Variants in TBC1D5 observed in about 807,000 individuals in gnomAD.
TBC1D5 encodes the protein TBC1 domain family, member 5.
A neutral mutation model predicts 100.3 loss-of-function variants in TBC1D5; 75 were observed. That is an observed-to-expected ratio of 0.75 (90% CI 0.62 to 0.91). The LOEUF (loss-of-function observed/expected upper bound fraction) is 0.91, where lower values mean the gene tolerates loss of function less well. TBC1D5 is among the 40% of genes least tolerant of loss of function. The pLI is 0.00. For synonymous variants in TBC1D5, 323 were observed against 325.6 expected (o/e 0.99, Z 0.09); for missense variants, 910 against 942.4 (o/e 0.97, Z 0.45).
In TBC1D5 at chr3:17,194,516, G is replaced by T. The variant is rs538791883; in HGVS notation, c.1753-9308C>A. Among the ~76,000 whole-genome samples the T allele has an allele frequency of 3.3e-5, 5 of 152,236 alleles. No individual in the cohort carries two copies. The East Asian group carries it at 9.6e-4, about 29-fold the overall frequency. On this transcript the variant is annotated intron_variant, in intron 18 of 21. Coordinates refer to ENST00000253692, the Ensembl canonical transcript of TBC1D5. Reference sequence around the variant, plus strand: ...ATACAATTTCTCATTAAAAACAAGTGAAATATGAATTAATTTTATTGGATT... The same window carrying T: ...ATACAATTTCTCATTAAAAACAAGTTAAATATGAATTAATTTTATTGGATT...
intron 1 of TBC1D5, among the ~76,000 whole-genome samples, chr3:17,687,823 T>G (rs916582286): frequency 6.6e-6 from 1 of 152,214 alleles, no homozygotes; most frequent in Non-Finnish European, 1.5e-5. Context: ...CTTAACCACT[T>G]GGAAGGCCAG....
intron 2 of TBC1D5, among the ~76,000 whole-genome samples, chr3:17,515,053 T>C (rs558111804): frequency 6.6e-6 from 1 of 152,056 alleles, no homozygotes; most frequent in South Asian, 2.1e-4. Flanking sequence ...ATTAGGAATT[T>C]AGGAAAAATA....
rs541278087 is a variant in TBC1D5, at chr3:17,186,439, T to G, written c.1753-1231A>C. 1.8e-3 allele frequency among the ~76,000 whole-genome samples: 276 copies of G among 152,226 alleles called. 2 individuals are homozygous for G. The highest frequency in any genetic ancestry group is 2.8e-3 in the Non-Finnish European group (190 of 68,016). The stretch of plus-strand genomic sequence containing the variant: ...AAAACAGAAGTAGTGCTGGGTGCAG[T>G]GGCTCATGCCTGTAATCCCAGCACT... On this transcript the variant is annotated intron_variant, in intron 18 of 21. Coordinates refer to ENST00000253692, the Ensembl canonical transcript of TBC1D5.
chr3:17,438,517 G>C (rs1575944588), intron 3 of TBC1D5, among the ~76,000 whole-genome samples: 1 of 152,086 alleles, frequency 6.6e-6, no homozygotes, highest in Non-Finnish European at 1.5e-5. Context: ...CCTTCGCTGG[G>C]CACTCACTTT....
At chr3:17,352,065 T>C (rs750854508) in intron 13 of TBC1D5, among the ~76,000 whole-genome samples, 17 of 150,734 alleles carry the variant, frequency 1.1e-4, no homozygotes, top group Middle Eastern at 3.4e-3. Flanking sequence ...AGCCACCCCA[T>C]GAACCCAGAT....
chr3:17,488,149 TG>T (rs2095593869), intron 3 of TBC1D5, among the ~76,000 whole-genome samples: 1 of 152,336 alleles, frequency 6.6e-6, no homozygotes, highest in South Asian at 2.1e-4. Context: ...TCCTGTTTCC[TG>T]GGCCCCTTGG....
chr3:17,381,426 A>G (rs936356655), intron 9 of TBC1D5, among the ~76,000 whole-genome samples: 1 of 152,108 alleles, frequency 6.6e-6, no homozygotes, highest in East Asian at 1.9e-4. Flanking sequence ...CAAGTAGTTA[A>G]AGGAAAAGAG....
intron 2 of TBC1D5, among the ~76,000 whole-genome samples, chr3:17,548,813 C>T (rs887159751): frequency 6.6e-6 from 1 of 152,090 alleles, no homozygotes; most frequent in Non-Finnish European, 1.5e-5. Flanking sequence ...GTTACTTAAG[C>T]TACAAAACAT....
At chr3:17,391,863 G>A (rs1290264889) in intron 8 of TBC1D5, among the ~76,000 whole-genome samples, 2 of 152,144 alleles carry the variant, frequency 1.3e-5, no homozygotes, top group Non-Finnish European at 2.9e-5. Flanking sequence ...TCTAGCTAAG[G>A]AGATATCCAG....
At chr3:17,297,676 G>A (rs1273043343) in intron 14 of TBC1D5, among the ~76,000 whole-genome samples, 6 of 151,934 alleles carry the variant, frequency 3.9e-5, no homozygotes, top group Non-Finnish European at 1.5e-5. Context: ...TTGACCTCCT[G>A]GGCTTAAGTG....
At chr3:17,478,886 C>G (rs532686871) in intron 3 of TBC1D5, among the ~76,000 whole-genome samples, 4 of 152,290 alleles carry the variant, frequency 2.6e-5, no homozygotes, top group East Asian at 3.9e-4. Context: ...TGCTTAGACA[C>G]GTAAGCAAGC....
At chr3:17,632,788 T>C (rs1024541609) in intron 1 of TBC1D5, among the ~76,000 whole-genome samples, 1 of 152,198 alleles carries the variant, frequency 6.6e-6, no homozygotes, top group African/African-American at 2.4e-5. Context: ...TTTTTACACA[T>C]AATGCTATTA....
chr3:17,310,914 T>C (rs2083955326), intron 13 of TBC1D5, among the ~76,000 whole-genome samples: 1 of 152,034 alleles, frequency 6.6e-6, no homozygotes, highest in South Asian at 2.1e-4. Flanking sequence ...GATGACCTTA[T>C]CAATAACTTA....
intron 2 of TBC1D5, among the ~76,000 whole-genome samples, chr3:17,523,753 T>C (rs199531683): frequency 6.6e-6 from 1 of 152,218 alleles, no homozygotes; most frequent in Non-Finnish European, 1.5e-5. Context: ...TTTTCACATA[T>C]ATCATGCATT....
At chr3:17,691,495 G>C (rs957632248) in intron 1 of TBC1D5, among the ~76,000 whole-genome samples, 1 of 152,150 alleles carries the variant, frequency 6.6e-6, no homozygotes, top group African/African-American at 2.4e-5. Flanking sequence ...CAGGCAACTG[G>C]AGAAAGCACA....
At chr3:17,702,902 T>A (rs960219176) in intron 1 of TBC1D5, among the ~76,000 whole-genome samples, 1 of 152,112 alleles carries the variant, frequency 6.6e-6, no homozygotes, top group Non-Finnish European at 1.5e-5. Context: ...GTATAAGCCA[T>A]TCTGAAAAGC....
chr3:17,331,127 G>A (rs1261145252), intron 13 of TBC1D5, among the ~76,000 whole-genome samples: 1 of 152,144 alleles, frequency 6.6e-6, no homozygotes, highest in Middle Eastern at 3.4e-3. Context: ...GGACAACCTT[G>A]TTTACAACCC....
intron 15 of TBC1D5, among the ~76,000 whole-genome samples, chr3:17,274,469 A>G: frequency 6.6e-6 from 1 of 152,246 alleles, no homozygotes; most frequent in East Asian, 1.9e-4. Context: ...CATTCTCATC[A>G]GTGGATTATC....
chr3:17,170,080 G>T (rs562277509), intron 19 of TBC1D5, among the ~76,000 whole-genome samples: 1 of 152,194 alleles, frequency 6.6e-6, no homozygotes, highest in Non-Finnish European at 1.5e-5. Flanking sequence ...AACAGGCCAC[G>T]GGCCAGTACT....
Sources: gnomAD v4.1 joint callset for allele counts (sites outside exome capture counted in the v4.1 genomes callset) on GRCh38, gnomAD v4.1.1 for gene constraint, MANE v1.5 for transcripts, NCBI Gene and HGNC (gene_info 2026-07-23, HGNC 2026-07-21) for gene names.